CYP4Z1: variants seen among roughly 807,000 people sequenced by gnomAD.
CYP4Z1 encodes cytochrome P450 family 4 subfamily Z member 1.
Under a neutral mutation model 54.2 loss-of-function variants are expected in CYP4Z1, and 41 were observed. The observed-to-expected ratio is 0.76, with a 90% CI of 0.59 to 0.98. The LOEUF is 0.98. Among genes scored for constraint, CYP4Z1 ranks in the 50% least tolerant of loss-of-function variants. CYP4Z1 has a pLI of 0.00. For synonymous variants in CYP4Z1, 163 were observed against 206.2 expected (o/e 0.79, Z 1.79); for missense variants, 513 against 599.0 (o/e 0.86, Z 1.50).
chr1:47,107,101 T>C (rs1211480795), intron 9 of CYP4Z1, among the ~76,000 whole-genome samples: 4 of 152,246 alleles, frequency 2.6e-5, no homozygotes, highest in Non-Finnish European at 5.9e-5. Flanking sequence ...ACTTTACTAT[T>C]GTAATAACAA....
intron 9 of CYP4Z1, among the ~76,000 whole-genome samples, chr1:47,109,902 C>T (rs910872766): frequency 1.3e-5 from 2 of 151,146 alleles, no homozygotes; most frequent in Admixed American, 1.3e-4. Flanking sequence ...GACAAACCAC[C>T]AAAAGTTATG....
the CYP4Z1 span, among the ~76,000 whole-genome samples, chr1:47,055,682 T>C: frequency 6.6e-6 from 1 of 152,258 alleles, no homozygotes; most frequent in Non-Finnish European, 1.5e-5. Flanking sequence ...ATCCATTTCT[T>C]CTAGATTTTC....
intron 6 of CYP4Z1, among the ~76,000 whole-genome samples, chr1:47,087,535 C>A (rs1175395765): frequency 6.6e-6 from 1 of 152,164 alleles, no homozygotes; most frequent in Non-Finnish European, 1.5e-5. Context: ...GATTTTTGCA[C>A]ATTGATTTTG....
At chr1:47,117,667 G>A (rs984766284) in intron 11 of CYP4Z1, 99 bp from the exon 12 acceptor site, 17 of 1,305,738 alleles carry the variant, frequency 1.3e-5, no homozygotes, top group Non-Finnish European at 1.5e-5. Flanking sequence ...AATGGATCTT[G>A]TTTCCCTACA....
chr1:47,085,815 G>T (rs1644589075), intron 6 of CYP4Z1, among the ~76,000 whole-genome samples: 1 of 151,140 alleles, frequency 6.6e-6, no homozygotes, highest in Admixed American at 6.6e-5. Flanking sequence ...TTTACCTTAG[G>T]TATATCTCCT....
chr1:47,099,327 A>G, intron 8 of CYP4Z1, 43 bp downstream of exon 8: 6 of 1,496,812 alleles, frequency 4.0e-6, no homozygotes, highest in Non-Finnish European at 5.4e-6. Flanking sequence ...TTCCCCTTAT[A>G]CATTTGATTA....
chr1:47,106,010 C>T, intron 8 of CYP4Z1, 118 bp from the exon 9 acceptor site: 2 of 1,272,322 alleles, frequency 1.6e-6, no homozygotes, highest in Non-Finnish European at 2.2e-6. Flanking sequence ...ATCTGAAGTC[C>T]TCCTTTGGGT....
Position 47,084,961 on chromosome 1 carries a change from A to T in CYP4Z1, c.755A>T (p.Glu252Val). ...QGQIFSKFNQ[E>V]LHQFTEKVIQ... ...CAAATCTTTTCTAAATTTAACCAAG[A>T]ACTTCATCAGTTCACAGGTTAGTCC... Residue 252 changes from glutamate (E) to valine (V), a missense_variant, in exon 6 of 12, where the codon GAA (glutamate) becomes GTA (valine). Physicochemically the swap from Glu to Val is moderately radical, Grantham distance 121. Transcript: ENST00000334194. 1 of 1,428,654 alleles carries T rather than the reference A, an allele frequency of 7.0e-7. No individual in the cohort carries two copies. Among genetic ancestry groups the T allele is most frequent in the Non-Finnish European group, 9.6e-7 (1 of 1,042,152 alleles). 88.5% of individuals were successfully genotyped at this position (1,428,654 alleles called of 1,614,324 possible). A position where few individuals can be genotyped will look rare whatever the true frequency, so the allele number is the denominator to read the frequency against.
At chr1:47,107,765 C>T (rs1002210930) in intron 9 of CYP4Z1, among the ~76,000 whole-genome samples, 1 of 152,132 alleles carries the variant, frequency 6.6e-6, no homozygotes, top group Non-Finnish European at 1.5e-5. Context: ...CCGACCCATA[C>T]AAAAGCTACA....
chr1:47,093,313 CCT>C (rs1644653107), intron 6 of CYP4Z1, among the ~76,000 whole-genome samples: 1 of 151,400 alleles, frequency 6.6e-6, no homozygotes, highest in Non-Finnish European at 1.5e-5. Flanking sequence ...GTCCCAGCAC[CCT>C]GTTAAATATG....
intron 9 of CYP4Z1, among the ~76,000 whole-genome samples, chr1:47,113,003 G>GA (rs765293633): frequency 8.8e-4 from 123 of 139,356 alleles, no homozygotes; most frequent in African/African-American, 1.4e-3. Context: ...ACTAGGAAAG[G>GA]AAAAAAAAAA....
chr1:47,076,611 C>T (rs1390111018), intron 2 of CYP4Z1, among the ~76,000 whole-genome samples: 7 of 151,850 alleles, frequency 4.6e-5, no homozygotes, highest in East Asian at 1.9e-4. Flanking sequence ...TTTGGGAGGC[C>T]GAGGCGGGTG....
chr1:47,068,993 A>T (rs1026268910), intron 2 of CYP4Z1, among the ~76,000 whole-genome samples: 9 of 151,950 alleles, frequency 5.9e-5, no homozygotes, highest in African/African-American at 2.2e-4. Flanking sequence ...TACATGGCAA[A>T]TTTTTTCTGA....
chr1:47,094,500 A>G, intron 6 of CYP4Z1, 66 bp from the exon 7 acceptor site: 1 of 1,124,936 alleles, frequency 8.9e-7, no homozygotes, highest in Non-Finnish European at 1.3e-6. Context: ...TCTCAGAACT[A>G]CATTTGGCTT....
At chr1:47,106,091 ACTC>A (rs755914396) in intron 8 of CYP4Z1, 34 bp from the exon 9 acceptor site, 12 of 1,595,034 alleles carry the variant, frequency 7.5e-6, no homozygotes, top group Non-Finnish European at 1.0e-5. Context: ...CTAAGTGACT[ACTC>A]CTCCTTTTCC....
the CYP4Z1 span, among the ~76,000 whole-genome samples, chr1:47,059,052 T>C: frequency 6.6e-6 from 1 of 152,238 alleles, no homozygotes; most frequent in Non-Finnish European, 1.5e-5. Flanking sequence ...ATAAATTAAA[T>C]CATGAGAAAT....
Position 47,099,293 on chromosome 1 carries a change from T to C in CYP4Z1, c.1067+9T>C. 1 of 1,572,680 alleles carries C rather than the reference T, an allele frequency of 6.4e-7. No individual in the cohort carries two copies. Among genetic ancestry groups the C allele is most frequent in the Non-Finnish European group, 8.6e-7 (1 of 1,162,838 alleles). ...GGGTCTTCTATTACCTGGTAAGACCTGTATTCCTATTTCATCCTGAATTTT... is the reference window on the plus strand; with the variant it reads ...GGGTCTTCTATTACCTGGTAAGACCCGTATTCCTATTTCATCCTGAATTTT... On this transcript the variant is annotated intron_variant, in intron 8 of 11. Coordinates refer to ENST00000334194, the MANE Select transcript of CYP4Z1 (RefSeq NM_178134.3).
intron 11 of CYP4Z1, among the ~76,000 whole-genome samples, 158 bp downstream of exon 11, chr1:47,116,890 C>G (rs1017891702): frequency 6.6e-6 from 1 of 152,096 alleles, no homozygotes; most frequent in Non-Finnish European, 1.5e-5. Flanking sequence ...TAGTTGGTAC[C>G]CTTTTGAGCC....
chr1:47,076,567 C>T lies in CYP4Z1; in HGVS notation c.320-4056C>T, dbSNP rs180870409. 2.3e-3 allele frequency among the ~76,000 whole-genome samples: 354 copies of T among 151,930 alleles called. 4 individuals are homozygous for T. Among genetic ancestry groups the T allele is most frequent in the African/African-American group, 8.2e-3 (338 of 41,424 alleles). On this transcript the variant is annotated intron_variant, in intron 2 of 11. Coordinates refer to ENST00000334194, the MANE Select transcript of CYP4Z1 (RefSeq NM_178134.3). ...GGTTGTTTAAGAATGTCTTGTTGGC[C>T]GGGCATGGTGGCTCACGCCTGTAAT...
Sources: allele counts gnomAD v4.1 joint callset (sites outside exome capture counted in the v4.1 genomes callset), GRCh38; gene constraint gnomAD v4.1.1; transcripts MANE v1.5; gene names NCBI Gene and HGNC (gene_info 2026-07-23, HGNC 2026-07-21).